SLC3A2: variants seen among roughly 807,000 people sequenced by gnomAD.
The protein encoded by SLC3A2 is solute carrier family 3 member 2, also known as amino acid transporter heavy chain SLC3A2.
SLC3A2 carries 32 observed loss-of-function variants against 48.5 expected under a neutral mutation model. The observed-to-expected ratio is 0.66, with a 90% CI of 0.50 to 0.89. SLC3A2 has a LOEUF of 0.89. Ranked by LOEUF, SLC3A2 falls within the 40% of genes least tolerant of loss-of-function variation. The pLI is 0.00. For missense variants in SLC3A2, 587 were observed against 680.7 expected (o/e 0.86, Z 1.53); for synonymous variants, 277 against 288.8 (o/e 0.96, Z 0.41).
intron 1 of SLC3A2, among the ~76,000 whole-genome samples, chr11:62,860,589 A>C (rs978185261): frequency 2.6e-5 from 4 of 152,170 alleles, no homozygotes; most frequent in Middle Eastern, 3.2e-3. Context: ...GACTAGCAGG[A>C]GACAGATGCC....
intron 1 of SLC3A2, chr11:62,871,495 C>T: frequency 2.1e-6 from 1 of 467,438 alleles, no homozygotes. Flanking sequence ...CCGTCTCGGC[C>T]TCCCAAAGTG....
upstream of SLC3A2, among the ~76,000 whole-genome samples, chr11:62,878,181 A>G (rs1047368732): frequency 6.6e-6 from 1 of 151,926 alleles, no homozygotes; most frequent in Non-Finnish European, 1.5e-5. Context: ...ACAAAAAACA[A>G]AAGGAATTGA....
intron 5 of SLC3A2, 117 bp downstream of exon 5, chr11:62,884,807 CTTTAGCTT>C: frequency 7.1e-6 from 1 of 140,148 alleles, no homozygotes; most frequent in East Asian, 1.4e-4. Context: ...TTTATTCTTT[CTTTAGCTT>C]TTTTTTTTTT....
chr11:62,881,508 C>A lies in SLC3A2; in HGVS notation c.424+61C>A. 5 of 1,495,236 alleles carry A rather than the reference C, an allele frequency of 3.3e-6. No homozygotes were observed. Among genetic ancestry groups the A allele is most frequent in the South Asian group, 1.3e-5 (1 of 76,470 alleles). 92.6% of individuals were successfully genotyped at this position (1,495,236 alleles called of 1,614,324 possible). A position where few individuals can be genotyped will look rare whatever the true frequency, so the allele number is the denominator to read the frequency against. On this transcript the variant is annotated intron_variant, in intron 1 of 8. Coordinates refer to ENST00000338663, the MANE Select transcript of SLC3A2 (RefSeq NM_001013251.3). This position sits in a 1 kb window ranked among gnomAD's most constrained non-coding sequence, Gnocchi z 4.0. ...GTTGAATCTGGTGGCTTGCACCGAC[C>A]CCCTCCCCTGTCCCCAGACGGATCT...
intron 1 of SLC3A2, among the ~76,000 whole-genome samples, chr11:62,859,270 T>C (rs1417428317): frequency 6.6e-6 from 1 of 152,176 alleles, no homozygotes; most frequent in Admixed American, 6.6e-5. Flanking sequence ...AGCATCTGTT[T>C]AACAAAGCAC....
At chr11:62,859,689 A>G (rs895980677) in intron 1 of SLC3A2, among the ~76,000 whole-genome samples, 1 of 152,160 alleles carries the variant, frequency 6.6e-6, no homozygotes, top group Non-Finnish European at 1.5e-5. Context: ...GTGAGTCTCA[A>G]AAACAAACAA....
rs569257082 is a variant in SLC3A2 at position 62,868,392 on chromosome 11, G to A, written c.112+12011G>A. 6.2e-4 allele frequency among the ~76,000 whole-genome samples: 87 copies of A among 139,572 alleles called. 1 individual carries two copies. The highest frequency in any genetic ancestry group is 2.2e-3 in the African/African-American group (81 of 37,128). 91.6% of individuals were successfully genotyped at this position (139,572 alleles called of 152,430 possible). On this transcript the variant is annotated intron_variant, in intron 1 of 9. Transcript: ENST00000377889. ...TTTTTTTTTTTTTTTTTGAGATGGA[G>A]TCTCACTCTCTTGCCCAGGCTGGAG...
chr11:62,878,632 ATTTTTTT>A (rs1048433687), upstream of SLC3A2, among the ~76,000 whole-genome samples: 1 of 113,008 alleles, frequency 8.8e-6, no homozygotes, highest in African/African-American at 3.3e-5. Context: ...CGCCTGGCTG[ATTTTTTT>A]TTTTTTTTTT....
At position 62,880,948 on chromosome 11, in the gene SLC3A2, G is replaced by A. The variant is rs1045742872; in HGVS notation, c.-76G>A. ...GCACAGAGGCCGGGGAGAGCGTTCT[G>A]GGTCCGAGGGTCCAGGTAGGGGTTG... On this transcript the variant is annotated 5_prime_UTR_variant, in exon 1 of 9. Transcript: ENST00000338663. The A allele has an allele frequency of 3.4e-6, 5 of 1,487,806 alleles. No individual in the cohort carries two copies. In the African/African-American group the frequency reaches 7.0e-5, roughly 21 times the overall value. The allele number at this position is 1,487,806 out of a possible 1,614,324, so 92.2% of individuals were successfully genotyped here.
At chr11:62,868,057 G>A (rs1265621207) in intron 1 of SLC3A2, among the ~76,000 whole-genome samples, 2 of 151,718 alleles carry the variant, frequency 1.3e-5, no homozygotes, top group East Asian at 1.9e-4. Context: ...GAGTAGCTGC[G>A]ATTACAGCCT....
At chr11:62,876,386 T>G (rs915000998), upstream of SLC3A2, among the ~76,000 whole-genome samples, 1 of 152,142 alleles carries the variant, frequency 6.6e-6, no homozygotes, top group African/African-American at 2.4e-5. Context: ...GCCAAACTGC[T>G]TTTTTTCCTT....
chr11:62,882,127 G>A lies in SLC3A2; in HGVS notation c.598+61G>A. On this transcript the variant is annotated intron_variant, in intron 2 of 8. Transcript: ENST00000338663. ...AAGGACTTGGCCAGAGGAAAAGTAG[G>A]CTAGAACTTTTGTCTGGTTTCCTGC... 5 of 1,589,892 alleles carry A rather than the reference G, an allele frequency of 3.1e-6. No homozygotes were observed. The South Asian group carries it at 5.5e-5, about 18-fold the overall frequency.
chr11:62,877,511 G>C (rs1465889899), upstream of SLC3A2, among the ~76,000 whole-genome samples: 1 of 152,224 alleles, frequency 6.6e-6, no homozygotes, highest in Admixed American at 6.5e-5. Context: ...TTGTCTTCAA[G>C]GACAAAGAGA....
upstream of SLC3A2, among the ~76,000 whole-genome samples, chr11:62,876,288 T>G (rs2085570447): frequency 1.3e-5 from 2 of 152,214 alleles, no homozygotes; most frequent in Admixed American, 1.3e-4. Flanking sequence ...GAAAGGAACT[T>G]TCTTTATATA....
intron 1 of SLC3A2, among the ~76,000 whole-genome samples, chr11:62,864,546 A>G (rs887898651): frequency 2.0e-5 from 3 of 151,790 alleles, no homozygotes. Context: ...GGCTCACTGC[A>G]AGCTCCACCT....
chr11:62,880,805 C>G, upstream of SLC3A2: 1 of 976,204 alleles, frequency 1.0e-6, no homozygotes. Flanking sequence ...GAGCCGCCCA[C>G]GGCTGGGGCA....
chr11:62,864,972 G>T (rs2085438378), intron 1 of SLC3A2, among the ~76,000 whole-genome samples: 1 of 152,084 alleles, frequency 6.6e-6, no homozygotes, highest in African/African-American at 2.4e-5. Context: ...CTTACTATGA[G>T]CTAGTAAGTT....
intron 1 of SLC3A2, among the ~76,000 whole-genome samples, chr11:62,863,884 A>G (rs116967618): frequency 0.013 from 2,007 of 152,196 alleles, 29 homozygotes; most frequent in South Asian, 0.037. Context: ...TGCTTTTGCC[A>G]TAGGAGCTTG....
chr11:62,872,429 T>C (rs2085527637), intron 1 of SLC3A2, among the ~76,000 whole-genome samples: 1 of 152,128 alleles, frequency 6.6e-6, no homozygotes, highest in Non-Finnish European at 1.5e-5. Flanking sequence ...GTGGGAGGAT[T>C]GCTTAAGCTG....
Sources: allele counts gnomAD v4.1 joint callset (sites outside exome capture counted in the v4.1 genomes callset), GRCh38; gene constraint gnomAD v4.1.1; non-coding constraint Gnocchi (gnomAD v3.1); transcripts MANE v1.5; gene names NCBI Gene and HGNC (gene_info 2026-07-23, HGNC 2026-07-21).